The following ANKRD13B variants were observed in gnomAD, a reference collection of about 807,000 sequenced individuals.
ANKRD13B encodes ankyrin repeat domain-containing protein 13B.
Under a neutral mutation model 74.4 loss-of-function variants are expected in ANKRD13B, and 33 were observed. The ratio of observed to expected loss-of-function variants is 0.44; its 90% confidence interval spans 0.34 to 0.59. The LOEUF is 0.59. Ranked by LOEUF, ANKRD13B falls within the 20% of genes least tolerant of loss-of-function variation. The pLI, the probability that ANKRD13B is intolerant of heterozygous loss-of-function variation, is 0.02. For synonymous variants in ANKRD13B, 341 were observed against 362.9 expected (o/e 0.94, Z 0.68); for missense variants, 676 against 877.9 (o/e 0.77, Z 2.91).
chr17:29,613,887 A>AG lies in ANKRD13B; in HGVS notation c.*310dup, dbSNP rs554489645. ...CCTAGGGCGGAGCCAGGCGGTCCTGAGGGGGAGATGAATCCTTAGAGGAGC... is the reference window on the plus strand; with the variant it reads ...CCTAGGGCGGAGCCAGGCGGTCCTGAGGGGGGAGATGAATCCTTAGAGGAGC... On this transcript the variant is annotated 3_prime_UTR_variant, in exon 15 of 15. Coordinates refer to ENST00000394859, the MANE Select transcript of ANKRD13B (RefSeq NM_152345.5). 101 of 381,112 alleles carry AG rather than the reference A, an allele frequency of 2.7e-4. 2 individuals are homozygous for AG. In the East Asian group the frequency reaches 4.3e-3, roughly 16 times the overall value. The allele number at this position is 381,112 out of a possible 1,614,324, so 23.6% of individuals were successfully genotyped here.
chr17:29,611,110 G>A lies in ANKRD13B; in HGVS notation c.904+344G>A, dbSNP rs1011118213. On this transcript the variant is annotated intron_variant, in intron 8 of 14. Coordinates refer to ENST00000394859, the MANE Select transcript of ANKRD13B (RefSeq NM_152345.5). This position sits in a 1 kb window ranked among gnomAD's most constrained non-coding sequence, Gnocchi z 4.3. ...CCTAGGTAGAAAGTCAGGGGACCTT[G>A]CCACAGATTCTGTATGCCCATTGAT... is the stretch of plus-strand genomic sequence containing the variant. 2.0e-5 allele frequency among the ~76,000 whole-genome samples: 3 copies of A among 148,732 alleles called. No individual in the cohort carries two copies. Among genetic ancestry groups the A allele is most frequent in the Non-Finnish European group, 4.4e-5 (3 of 67,900 alleles).
At chr17:29,599,776 T>C (rs1798112441) in intron 1 of ANKRD13B, among the ~76,000 whole-genome samples, 1 of 151,570 alleles carries the variant, frequency 6.6e-6, no homozygotes, top group Non-Finnish European at 1.5e-5. Context: ...ATATTTTTCC[T>C]GAGGATGTAA....
chr17:29,605,781 G>A (rs944883926), intron 1 of ANKRD13B, among the ~76,000 whole-genome samples: 8 of 152,034 alleles, frequency 5.3e-5, no homozygotes, highest in African/African-American at 1.9e-4. Flanking sequence ...CATATATTTT[G>A]CAGCAATAAT....
intron 1 of ANKRD13B, among the ~76,000 whole-genome samples, chr17:29,604,294 A>C: frequency 6.8e-6 from 1 of 147,936 alleles, no homozygotes; most frequent in Non-Finnish European, 1.5e-5. Flanking sequence ...TTGCAGCCTC[A>C]ACCTCCTGGG....
At chr17:29,597,395 C>T (rs1281831543) in intron 1 of ANKRD13B, among the ~76,000 whole-genome samples, 2 of 152,092 alleles carry the variant, frequency 1.3e-5, no homozygotes, top group Non-Finnish European at 2.9e-5. Context: ...TATGAGCGTA[C>T]GAGTGTGTAT....
chr17:29,608,026 G>A lies in ANKRD13B; in HGVS notation c.291G>A (p.Val97=), dbSNP rs757504519. ...TGAGTACCCGGGACCTGGAGCTGGTGCAGCTGGTGCTTCGGTACCGGGACT... is the reference window on the plus strand; with the variant it reads ...TGAGTACCCGGGACCTGGAGCTGGTACAGCTGGTGCTTCGGTACCGGGACT... The part of the protein sequence containing the change: ...EAVSTRDLEL[V]QLVLRYRDYQ... Residue 97 remains valine, a synonymous_variant, in exon 3 of 15, where the codon GTG becomes GTA. Coordinates refer to ENST00000394859, the MANE Select transcript of ANKRD13B (RefSeq NM_152345.5). This position sits in a 1 kb window ranked among gnomAD's most constrained non-coding sequence, Gnocchi z 6.4. The A allele has an allele frequency of 6.2e-7, 1 of 1,612,460 alleles. No homozygotes were observed. Among genetic ancestry groups the A allele is most frequent in the African/African-American group, 1.3e-5 (1 of 74,984 alleles).
intron 1 of ANKRD13B, among the ~76,000 whole-genome samples, chr17:29,598,873 T>C (rs763229298): frequency 6.6e-6 from 1 of 152,234 alleles, no homozygotes; most frequent in Non-Finnish European, 1.5e-5. Flanking sequence ...CAATGATTTC[T>C]TGGTTAATTA....
chr17:29,596,911 G>A (rs942773893), intron 1 of ANKRD13B, among the ~76,000 whole-genome samples: 1 of 152,188 alleles, frequency 6.6e-6, no homozygotes, highest in East Asian at 1.9e-4. Context: ...GATGGGAGGG[G>A]TGACATGGAG....
Position 29,609,117 on chromosome 17 carries a change from C to T in ANKRD13B, c.597C>T (p.His199=), listed in dbSNP as rs768717872. Residue 199 remains histidine, a synonymous_variant, in exon 6 of 15, where the codon CAC becomes CAT. Coordinates refer to ENST00000394859, the MANE Select transcript of ANKRD13B (RefSeq NM_152345.5). The surrounding 1 kb of genome is among the most constrained non-coding windows in gnomAD (Gnocchi z 4.0). ...GCGCCGTGGTCATGGAGATTGACCA[C>T]GACCGCCGGGTGGTGTACACAGAGA... ...DTSAVVMEID[H]DRRVVYTETL... 3.0e-5 allele frequency: 48 copies of T among 1,611,064 alleles called. No individual in the cohort carries two copies. Among genetic ancestry groups the T allele is most frequent in the Non-Finnish European group, 3.6e-5 (42 of 1,179,886 alleles).
rs1212755550 is a variant in ANKRD13B, at chr17:29,613,441, C to T, written c.1740C>T (p.Gly580=). 1.3e-6 allele frequency: 2 copies of T among 1,531,292 alleles called. No individual in the cohort carries two copies. The highest frequency in any genetic ancestry group is 1.2e-5 in the South Asian group (1 of 81,916). The allele number at this position is 1,531,292 out of a possible 1,614,324, so 94.9% of individuals were successfully genotyped here. A position where few individuals can be genotyped will look rare whatever the true frequency, so the allele number is the denominator to read the frequency against. Residue 580 remains glycine, a synonymous_variant, in exon 15 of 15, where the codon GGC becomes GGT. Coordinates refer to ENST00000394859, the MANE Select transcript of ANKRD13B (RefSeq NM_152345.5). ...CCAGCTCAGGGCCAGGTTCCGGCGG[C>T]CACGTGTTCCGGAGCTACGACGAGC... ...PRPSSGPGSG[G]HVFRSYDEQL...
In ANKRD13B at chr17:29,613,592, C is replaced by T; in HGVS notation, c.*10C>T. 5.6e-6 allele frequency: 8 copies of T among 1,419,790 alleles called. No homozygotes were observed. The highest frequency in any genetic ancestry group is 2.8e-5 in the Admixed American group (1 of 35,572). 87.9% of individuals were successfully genotyped at this position (1,419,790 alleles called of 1,614,324 possible). The stretch of plus-strand genomic sequence containing the variant: ...ACTGACCGAGCAGTAGCGCCCCCTG[C>T]CGGGACCCTCGCCAGCGCCACGCGC... On this transcript the variant is annotated 3_prime_UTR_variant, in exon 15 of 15. Transcript: ENST00000394859.
At position 29,595,191 on chromosome 17, in the gene ANKRD13B, G is replaced by A. The variant is rs537373304; in HGVS notation, c.114+1456G>A. Among the ~76,000 whole-genome samples, 9 of 152,356 alleles carry A rather than the reference G, an allele frequency of 5.9e-5. No individual in the cohort carries two copies. The East Asian group carries it at 1.2e-3, about 20-fold the overall frequency. On this transcript the variant is annotated intron_variant, in intron 1 of 14. Coordinates refer to ENST00000394859, the MANE Select transcript of ANKRD13B (RefSeq NM_152345.5). Reference sequence around the variant, plus strand: ...GTCACAGTGCCCCCAGGAAACAGATGAACAAACAGGGCATCAACCCCTGCC... The same window carrying A: ...GTCACAGTGCCCCCAGGAAACAGATAAACAAACAGGGCATCAACCCCTGCC...
At chr17:29,602,970 G>A (rs1286586276) in intron 1 of ANKRD13B, among the ~76,000 whole-genome samples, 1 of 152,016 alleles carries the variant, frequency 6.6e-6, no homozygotes, top group Non-Finnish European at 1.5e-5. Context: ...TCCTGCCTCA[G>A]CCCCCAAGTA....
chr17:29,607,984 A>C lies in ANKRD13B; in HGVS notation c.251-2A>C, dbSNP rs1456379093. ...CTGTGACCTTGCCTCGCCCTCCCCC[A>C]GTGCTCCAGGAGGCTGTGAGTACCC... On this transcript the variant is annotated splice_acceptor_variant, in intron 2 of 14. Transcript: ENST00000394859. LOFTEE classifies it high-confidence loss of function. The C allele has an allele frequency of 6.2e-7, 1 of 1,602,444 alleles. No homozygotes were observed. Among genetic ancestry groups the C allele is most frequent in the Non-Finnish European group, 8.5e-7 (1 of 1,173,336 alleles).
At chr17:29,593,784 C>A in intron 1 of ANKRD13B, 49 bp downstream of exon 1, 1 of 1,199,104 alleles carries the variant, frequency 8.3e-7, no homozygotes, top group Middle Eastern at 3.1e-4. Context: ...CGGGCACGCC[C>A]GTCCGGCCTG....
chr17:29,598,251 G>A (rs932814112), intron 1 of ANKRD13B, among the ~76,000 whole-genome samples: 29 of 152,144 alleles, frequency 1.9e-4, no homozygotes, highest in Non-Finnish European at 3.5e-4. Context: ...GAAAAATGAA[G>A]AAATTCCAGG....
At position 29,612,634 on chromosome 17, in the gene ANKRD13B, C is replaced by T. The variant is rs765238346; in HGVS notation, c.1412-18C>T. On this transcript the variant is annotated intron_variant, in intron 12 of 14. Coordinates refer to ENST00000394859, the MANE Select transcript of ANKRD13B (RefSeq NM_152345.5). The surrounding 1 kb of genome is among the most constrained non-coding windows in gnomAD (Gnocchi z 6.1). ...GGGGCGCGCCCGGCCGTGCCTGACC[C>T]AGCCCCCGCGCCCCCAGCCTCCTGC... 2.6e-5 allele frequency: 40 copies of T among 1,528,732 alleles called. No homozygotes were observed. In the South Asian group the frequency reaches 4.9e-4, roughly 19 times the overall value. The allele number at this position is 1,528,732 out of a possible 1,614,324, so 94.7% of individuals were successfully genotyped here. A position where few individuals can be genotyped will look rare whatever the true frequency, so the allele number is the denominator to read the frequency against.
chr17:29,613,462 C>A lies in ANKRD13B; in HGVS notation c.1761C>A (p.Asp587Glu), dbSNP rs773789637. 2.0e-6 allele frequency: 3 copies of A among 1,533,212 alleles called. No homozygotes were observed. The South Asian group carries it at 3.7e-5, about 19-fold the overall frequency. 95.0% of individuals were successfully genotyped at this position (1,533,212 alleles called of 1,614,324 possible). Residue 587 changes from aspartate to glutamate, a missense_variant, in exon 15 of 15, where the codon GAC becomes GAA. By Grantham distance (45) the Asp-to-Glu change is conservative. Coordinates refer to ENST00000394859, the MANE Select transcript of ANKRD13B (RefSeq NM_152345.5). ...GCGGCCACGTGTTCCGGAGCTACGA[C>A]GAGCAGCTGCGGCTGGCGATGGAAC... ...GSGGHVFRSY[D>E]EQLRLAMELS...
At chr17:29,607,715 T>G in intron 1 of ANKRD13B, 27 bp from the exon 2 acceptor site, 1 of 1,587,028 alleles carries the variant, frequency 6.3e-7, no homozygotes, top group Non-Finnish European at 8.5e-7. Context: ...ACTGGGGCTT[T>G]ATCTTCCACT....
Sources: gnomAD v4.1 joint callset for allele counts (sites outside exome capture counted in the v4.1 genomes callset) on GRCh38, gnomAD v4.1.1 for gene constraint, Gnocchi (gnomAD v3.1) non-coding constraint, MANE v1.5 for transcripts, NCBI Gene and HGNC (gene_info 2026-07-23, HGNC 2026-07-21) for gene names.